DNAAF9: variants seen among roughly 807,000 people sequenced by gnomAD.
DNAAF9 encodes shulin.
DNAAF9 carries 90 observed loss-of-function variants against 167.0 expected under a neutral mutation model. That is an observed-to-expected ratio of 0.54 (90% confidence interval 0.45 to 0.64). The LOEUF (loss-of-function observed/expected upper bound fraction) is 0.64. DNAAF9 is among the 30% of genes least tolerant of loss of function. The pLI is 0.00. For missense variants in DNAAF9, 1,315 were observed against 1,442.2 expected, an observed-to-expected ratio of 0.91 and a Z score of 1.43; for synonymous variants, 491 against 508.8, an observed-to-expected ratio of 0.96 and a Z score of 0.47.
At position 3,289,996 on chromosome 20, in the gene DNAAF9, T is replaced by G; in HGVS notation, c.2327+133A>C. 3 of 686,860 alleles carry G rather than the reference T, an allele frequency of 4.4e-6. No individual in the cohort carries two copies. The South Asian group carries it at 5.1e-5, about 12-fold the overall frequency. 42.5% of individuals were successfully genotyped at this position (686,860 alleles called of 1,614,324 possible). On this transcript the variant is annotated intron_variant, in intron 26 of 36. Transcript: ENST00000252032. ...CATACAGGAAGTGCTCAGAAGAGCA[T>G]ATTAAATGAATGGCTGACTACCATG...
At position 3,260,004 on chromosome 20, in the gene DNAAF9, T is replaced by A; in HGVS notation, c.2898A>T (p.Gly966=). 6.2e-7 allele frequency: 1 copy of A among 1,611,042 alleles called. No individual in the cohort carries two copies. Among genetic ancestry groups the A allele is most frequent in the Non-Finnish European group, 8.5e-7 (1 of 1,177,116 alleles). Reference sequence around the variant, plus strand: ...TCTGAACCATTAGGGGATAGACTGATCCAGCATTCAATTTACCTTCATACC... The same window carrying A: ...TCTGAACCATTAGGGGATAGACTGAACCAGCATTCAATTTACCTTCATACC... ...PGWYEGKLNA[G]SVYPLMVQIC... The change falls in exon 32 of 37, where the codon GGA becomes GGT. Residue 966 remains glycine, a synonymous_variant. Transcript: ENST00000252032.
intron 20 of DNAAF9, among the ~76,000 whole-genome samples, chr20:3,311,056 C>T (rs2069405886): frequency 1.3e-5 from 2 of 152,206 alleles, no homozygotes; most frequent in South Asian, 4.1e-4. Flanking sequence ...TCCAACCCTA[C>T]AGAAACATTT....
At chr20:3,272,615 A>G (rs573008330) in intron 29 of DNAAF9, among the ~76,000 whole-genome samples, 37 of 152,268 alleles carry the variant, frequency 2.4e-4, no homozygotes, top group Admixed American at 2.1e-3. Flanking sequence ...TAATAGCTTT[A>G]AACTTTATCA....
At chr20:3,270,812 CTT>C (rs11297850) in intron 29 of DNAAF9, among the ~76,000 whole-genome samples, 2,177 of 138,452 alleles carry the variant, frequency 0.016, 35 homozygotes, top group African/African-American at 0.042. Flanking sequence ...CTTCCTCTAT[CTT>C]TTTTTTTTTT....
chr20:3,404,398 T>C (rs1375935405), intron 1 of DNAAF9, among the ~76,000 whole-genome samples: 1 of 151,762 alleles, frequency 6.6e-6, no homozygotes, highest in Non-Finnish European at 1.5e-5. Flanking sequence ...TGTTCTCAAT[T>C]ATTCTCCCAC....
intron 1 of DNAAF9, among the ~76,000 whole-genome samples, chr20:3,406,638 G>A (rs1177355033): frequency 2.6e-5 from 4 of 152,174 alleles, no homozygotes; most frequent in Admixed American, 2.0e-4. Context: ...TATATCTAAA[G>A]GGGGCGGGGA....
intron 20 of DNAAF9, among the ~76,000 whole-genome samples, chr20:3,308,196 G>T (rs1035430952): frequency 5.3e-5 from 8 of 152,056 alleles, no homozygotes; most frequent in African/African-American, 1.9e-4. Context: ...AGTTTTGTCT[G>T]TGTTTTTATA....
At chr20:3,391,737 C>G (rs912763708) in intron 1 of DNAAF9, among the ~76,000 whole-genome samples, 1 of 151,994 alleles carries the variant, frequency 6.6e-6, no homozygotes, top group Non-Finnish European at 1.5e-5. Context: ...TGCGCAACCA[C>G]GCCTGGCTAA....
chr20:3,266,410 G>A (rs1442805007), intron 30 of DNAAF9, among the ~76,000 whole-genome samples: 8 of 151,974 alleles, frequency 5.3e-5, no homozygotes, highest in South Asian at 2.1e-4. Flanking sequence ...TTCATTGATC[G>A]TTCCCTAAAT....
chr20:3,298,200 A>G, intron 21 of DNAAF9, 25 bp from the exon 22 acceptor site: 4 of 1,600,408 alleles, frequency 2.5e-6, no homozygotes, highest in Non-Finnish European at 3.4e-6. Flanking sequence ...AGGGAGCATC[A>G]GCAAGAAGAG....
At chr20:3,263,221 G>A (rs546146930) in intron 31 of DNAAF9, among the ~76,000 whole-genome samples, 4 of 152,172 alleles carry the variant, frequency 2.6e-5, no homozygotes, top group South Asian at 2.1e-4. Context: ...TGATCTGCCC[G>A]CCTCGGCATC....
Position 3,255,268 on chromosome 20 carries a change from G to A in DNAAF9, c.3278C>T (p.Ala1093Val). ...CGTCAGCATCCCCCTGGTCTTCAGGGCTTTCCTCTGAGGCTTCTGCAGAGA... is the reference window on the plus strand; with the variant it reads ...CGTCAGCATCCCCCTGGTCTTCAGGACTTTCCTCTGAGGCTTCTGCAGAGA... The part of the protein sequence containing the change: ...QSAKQKPQRK[A>V]LKTRGMLTQQ... The change falls in exon 35 of 37, where the codon GCC becomes GTC. Residue 1093 changes from alanine to valine, a missense_variant. This residue lies in a region of DNAAF9 where 334 missense variants were observed against 429.7 expected (regional missense o/e 0.78). Coordinates refer to ENST00000252032, the MANE Select transcript of DNAAF9 (RefSeq NM_001009984.3). 1.3e-6 allele frequency: 2 copies of A among 1,550,442 alleles called. No homozygotes were observed. Among genetic ancestry groups the A allele is most frequent in the Non-Finnish European group, 8.7e-7 (1 of 1,145,966 alleles).
intron 20 of DNAAF9, among the ~76,000 whole-genome samples, chr20:3,313,097 C>T (rs1024987329): frequency 5.9e-5 from 9 of 152,332 alleles, no homozygotes; most frequent in Admixed American, 2.0e-4. Context: ...GCAAATATCC[C>T]GGCTAAATAT....
intron 1 of DNAAF9, among the ~76,000 whole-genome samples, chr20:3,383,724 C>A (rs557038200): frequency 9.0e-4 from 137 of 152,200 alleles, no homozygotes; most frequent in African/African-American, 3.0e-3. Context: ...GCCTTACTCT[C>A]ACCTCAAAAC....
rs2068180240 is a variant in DNAAF9, at chr20:3,250,530, G to A, written c.*2042C>T. On this transcript the variant is annotated 3_prime_UTR_variant, in exon 37 of 37. Coordinates refer to ENST00000252032, the MANE Select transcript of DNAAF9 (RefSeq NM_001009984.3). ...ATCACAGTTTCATATTCAAGTTGAGGTAATCACAGTTTTTTCTCTAAGAGG... is the reference window on the plus strand; with the variant it reads ...ATCACAGTTTCATATTCAAGTTGAGATAATCACAGTTTTTTCTCTAAGAGG... The A allele has an allele frequency of 6.6e-6, 1 of 152,242 alleles. No individual in the cohort carries two copies. Among genetic ancestry groups the A allele is most frequent in the Admixed American group, 6.5e-5 (1 of 15,284 alleles). 9.4% of individuals were successfully genotyped at this position (152,242 alleles called of 1,614,324 possible).
At chr20:3,352,455 A>T (rs1299601248) in intron 7 of DNAAF9, among the ~76,000 whole-genome samples, 1 of 152,038 alleles carries the variant, frequency 6.6e-6, no homozygotes, top group Non-Finnish European at 1.5e-5. Context: ...TTAACCACAG[A>T]CCTTCAATGT....
intron 2 of DNAAF9, 96 bp from the exon 3 acceptor site, chr20:3,381,594 G>T: frequency 7.7e-7 from 1 of 1,299,618 alleles, no homozygotes; most frequent in Non-Finnish European, 1.1e-6. Flanking sequence ...TGATGATCAA[G>T]CTGAAGGACG....
intron 36 of DNAAF9, 26 bp downstream of exon 36, chr20:3,253,700 C>G (rs1266905801): frequency 7.1e-7 from 1 of 1,417,246 alleles, no homozygotes. Context: ...GGGTTCCACA[C>G]AGGGACCACG....
chr20:3,322,288 T>G (rs747243253), intron 15 of DNAAF9, 26 bp from the exon 16 acceptor site: 26 of 1,563,036 alleles, frequency 1.7e-5, no homozygotes, highest in Non-Finnish European at 1.5e-5. Flanking sequence ...GATGGAAGAC[T>G]ATGTTAAAGA....
Sources: allele counts gnomAD v4.1 joint callset (sites outside exome capture counted in the v4.1 genomes callset), GRCh38; gene constraint gnomAD v4.1.1; regional missense constraint gnomAD v4.1.1; transcripts MANE v1.5; gene names NCBI Gene and HGNC (gene_info 2026-07-23, HGNC 2026-07-21).